The following CSNK1G3 variants were observed in gnomAD, a reference collection of about 807,000 sequenced individuals.
CSNK1G3 encodes the protein casein kinase 1 gamma 3, also known as casein kinase I isoform gamma-3.
In CSNK1G3, 23 loss-of-function variants were observed where a neutral mutation model predicts 64.3. The observed-to-expected ratio is 0.36, with a 90% CI of 0.26 to 0.51. The LOEUF is 0.51. Among genes scored for constraint, CSNK1G3 ranks in the 20% least tolerant of loss-of-function variants. CSNK1G3 has a pLI of 0.96. For synonymous variants in CSNK1G3, 158 were observed against 162.2 expected (o/e 0.97, Z 0.20); for missense variants, 357 against 510.5 (o/e 0.70, Z 2.90).
intron 6 of CSNK1G3, among the ~76,000 whole-genome samples, chr5:123,580,974 G>A (rs751949777): frequency 3.1e-4 from 47 of 151,778 alleles, no homozygotes; most frequent in Admixed American, 1.0e-3. Flanking sequence ...ACAGAATTAT[G>A]GTGTTCCAAA....
intron 4 of CSNK1G3, among the ~76,000 whole-genome samples, chr5:123,562,606 A>C (rs1483969552): frequency 6.6e-6 from 1 of 152,080 alleles, no homozygotes; most frequent in Non-Finnish European, 1.5e-5. Context: ...CGTATTATTA[A>C]TTTTGAGTTT....
intron 4 of CSNK1G3, among the ~76,000 whole-genome samples, chr5:123,564,600 A>C (rs1281998773): frequency 1.3e-5 from 2 of 152,268 alleles, no homozygotes; most frequent in East Asian, 3.9e-4. Flanking sequence ...ATAACAACTT[A>C]AGTTCCATTC....
chr5:123,589,699 ATTTG>A (rs1791985189), intron 8 of CSNK1G3, among the ~76,000 whole-genome samples: 1 of 151,952 alleles, frequency 6.6e-6, no homozygotes, highest in East Asian at 1.9e-4. Flanking sequence ...ATATTTATAT[ATTTG>A]TTTGTCTGTT....
intron 4 of CSNK1G3, among the ~76,000 whole-genome samples, chr5:123,573,145 A>G (rs764229169): frequency 5.9e-5 from 9 of 152,230 alleles, no homozygotes; most frequent in Non-Finnish European, 1.0e-4. Context: ...GAGAGAAACA[A>G]TGAAGTACTG....
intron 12 of CSNK1G3, among the ~76,000 whole-genome samples, chr5:123,607,901 A>C (rs909256132): frequency 6.6e-6 from 1 of 152,172 alleles, no homozygotes; most frequent in Non-Finnish European, 1.5e-5. Context: ...TGACATTTCT[A>C]CACGTTTGTT....
intron 1 of CSNK1G3, among the ~76,000 whole-genome samples, chr5:123,524,643 C>A (rs1778716676): frequency 6.6e-6 from 1 of 152,084 alleles, no homozygotes; most frequent in Non-Finnish European, 1.5e-5. Flanking sequence ...CCTCCTCCTC[C>A]CCCACTGTAA....
intron 6 of CSNK1G3, among the ~76,000 whole-genome samples, chr5:123,585,175 T>C (rs1242743405): frequency 2.0e-5 from 3 of 152,164 alleles, no homozygotes; most frequent in Non-Finnish European, 4.4e-5. Flanking sequence ...AGATGGCCGA[T>C]TGATTTTTGA....
intron 1 of CSNK1G3, among the ~76,000 whole-genome samples, chr5:123,533,747 TG>T (rs750142811): frequency 6.4e-4 from 97 of 151,996 alleles, no homozygotes; most frequent in Non-Finnish European, 1.1e-3. Flanking sequence ...TTTCAATTTT[TG>T]CTGCTGTTTT....
At chr5:123,589,338 C>T (rs1422187130) in intron 8 of CSNK1G3, among the ~76,000 whole-genome samples, 1 of 152,014 alleles carries the variant, frequency 6.6e-6, no homozygotes, top group Non-Finnish European at 1.5e-5. Flanking sequence ...GCTATAATAT[C>T]TAGAAGTAGA....
Position 123,600,610 on chromosome 5 carries a change from A to G in CSNK1G3, c.1087-4114A>G, listed in dbSNP as rs1324800850. On this transcript the variant is annotated intron_variant, in intron 10 of 12. Coordinates refer to ENST00000345990, the Ensembl canonical transcript of CSNK1G3. ...ACTGCACTTCAGCCTGGGTGACCGAATAAGATGCCATTTCAAAAAAAAAAA... is the reference window on the plus strand; with the variant it reads ...ACTGCACTTCAGCCTGGGTGACCGAGTAAGATGCCATTTCAAAAAAAAAAA... Among the ~76,000 whole-genome samples, 15 of 151,586 alleles carry G rather than the reference A, an allele frequency of 9.9e-5. 1 individual carries two copies. In the East Asian group the frequency reaches 2.9e-3, roughly 29 times the overall value.
At chr5:123,572,066 G>A (rs1395548003) in intron 4 of CSNK1G3, among the ~76,000 whole-genome samples, 1 of 152,174 alleles carries the variant, frequency 6.6e-6, no homozygotes, top group Admixed American at 6.5e-5. Context: ...GTCTGAAGTT[G>A]GACAGGCAGT....
At chr5:123,608,929 A>G (rs185071003) in intron 12 of CSNK1G3, among the ~76,000 whole-genome samples, 8 of 152,296 alleles carry the variant, frequency 5.3e-5, no homozygotes, top group African/African-American at 1.7e-4. Context: ...CAGAAAATGG[A>G]GTATGTCCTC....
intron 2 of CSNK1G3, chr5:123,552,872 G>C (rs1486187225): frequency 1.1e-5 from 3 of 273,634 alleles, no homozygotes; most frequent in Non-Finnish European, 2.1e-5. Context: ...TTATAAGTGG[G>C]CTACTAGTAT....
chr5:123,534,969 G>A (rs1780554679), intron 1 of CSNK1G3, among the ~76,000 whole-genome samples: 1 of 152,112 alleles, frequency 6.6e-6, no homozygotes, highest in South Asian at 2.1e-4. Context: ...ATTTGAGAAC[G>A]AATAACTCCA....
At chr5:123,614,292 G>A in intron 12 of CSNK1G3, 50 bp from the exon 14 acceptor site, 1 of 1,558,022 alleles carries the variant, frequency 6.4e-7, no homozygotes, top group Non-Finnish European at 8.8e-7. Context: ...AGTCAACTTT[G>A]TGATATTTTA....
chr5:123,586,764 A>C (rs1186334011), intron 6 of CSNK1G3, among the ~76,000 whole-genome samples: 1 of 152,180 alleles, frequency 6.6e-6, no homozygotes, highest in African/African-American at 2.4e-5. Context: ...TATTGAAAAC[A>C]AGTGTATTAG....
chr5:123,517,233 G>A (rs1777332200), intron 1 of CSNK1G3, among the ~76,000 whole-genome samples: 2 of 152,188 alleles, frequency 1.3e-5, no homozygotes, highest in South Asian at 4.1e-4. Context: ...AGAATTTGCT[G>A]ACTGATGCTC....
rs1020805974 is a variant in CSNK1G3, at chr5:123,545,631, A to C, written c.-33A>C. 2.5e-6 allele frequency: 4 copies of C among 1,585,576 alleles called. No homozygotes were observed. The African/African-American group carries it at 5.4e-5, about 21-fold the overall frequency. The stretch of plus-strand genomic sequence containing the variant: ...CTGTTTCAGTGTGCTTGTCTTGATT[A>C]AAGAATTCAAAGTGGAGTACCGCAA... On this transcript the variant is annotated 5_prime_UTR_variant, in exon 2 of 13. Coordinates refer to ENST00000345990, the Ensembl canonical transcript of CSNK1G3.
chr5:123,535,624 G>A (rs1398434380), intron 1 of CSNK1G3, among the ~76,000 whole-genome samples: 1 of 152,012 alleles, frequency 6.6e-6, no homozygotes, highest in Non-Finnish European at 1.5e-5. Context: ...TAAACTAGAT[G>A]GAATAAAATA....
Sources: allele counts gnomAD v4.1 joint callset (sites outside exome capture counted in the v4.1 genomes callset), GRCh38; gene constraint gnomAD v4.1.1; transcripts MANE v1.5; gene names NCBI Gene and HGNC (gene_info 2026-07-23, HGNC 2026-07-21).